DNMBP: variants seen among roughly 807,000 people sequenced by gnomAD.
DNMBP encodes dynamin-binding protein.
Under a neutral mutation model 150.0 loss-of-function variants are expected in DNMBP, and 87 were observed. The observed-to-expected ratio is 0.58, with a 90% CI of 0.49 to 0.69. The LOEUF is 0.69. Among genes scored for constraint, DNMBP ranks in the 30% least tolerant of loss-of-function variants. DNMBP has a pLI of 0.00. For synonymous variants in DNMBP, 711 were observed against 750.4 expected (o/e 0.95, Z 0.86); for missense variants, 1,774 against 1,949.0 (o/e 0.91, Z 1.69).
intron 4 of DNMBP, chr10:99,914,071 C>T (rs1267564540): frequency 4.9e-6 from 7 of 1,431,556 alleles, no homozygotes; most frequent in African/African-American, 2.9e-5. Flanking sequence ...TGAATAGGGT[C>T]GGCATTTCCC....
intron 1 of DNMBP, among the ~76,000 whole-genome samples, chr10:99,976,102 A>C (rs1181939773): frequency 4.6e-5 from 7 of 152,226 alleles, no homozygotes; most frequent in African/African-American, 1.7e-4. Context: ...GTGTGAAAGC[A>C]CCTAGGTCAG....
chr10:99,965,274 G>A (rs747574439), intron 3 of DNMBP, among the ~76,000 whole-genome samples: 25 of 152,040 alleles, frequency 1.6e-4, no homozygotes, highest in Admixed American at 7.9e-4. Context: ...CTAGTCCAAG[G>A]TCACAGCTAT....
rs1209205696 is a variant in DNMBP, at chr10:99,909,134, A to C, written c.2273T>G (p.Leu758Arg). 3 of 1,613,136 alleles carry C rather than the reference A, an allele frequency of 1.9e-6. No homozygotes were observed. The Admixed American group carries it at 5.0e-5, about 27-fold the overall frequency. The stretch of plus-strand genomic sequence containing the variant: ...CACCAGTGATGAAGACTGGGAGGAG[A>C]GGAGCGTCATTTCTAGAAGGGAAAA... ...ELQQLREMTL[L>R]SSQSSSLVAP... is the part of the protein sequence containing the mutation. Residue 758 changes from leucine to arginine, a missense_variant, in exon 5 of 17, where the codon CTC (leucine) becomes CGC (arginine). Physicochemically the swap from Leu to Arg is moderately radical, Grantham distance 102. Transcript: ENST00000324109.
intron 4 of DNMBP, among the ~76,000 whole-genome samples, chr10:99,933,145 A>C (rs2040180005): frequency 6.6e-6 from 1 of 151,704 alleles, no homozygotes; most frequent in Non-Finnish European, 1.5e-5. Flanking sequence ...ACAAAAAAAA[A>C]ATTAGCTGGG....
intron 4 of DNMBP, among the ~76,000 whole-genome samples, 164 bp downstream of exon 4, chr10:99,955,050 C>CA (rs11445505): frequency 0.37 from 49,432 of 135,090 alleles, 8,386 homozygotes; most frequent in African/African-American, 0.41. Context: ...GAGACTGTCT[C>CA]AAAAAAAAGG....
Position 99,886,473 on chromosome 10 carries a change from C to T in DNMBP, c.3445G>A (p.Glu1149Lys), listed in dbSNP as rs2039466863. The T allele has an allele frequency of 6.2e-7, 1 of 1,614,044 alleles. No homozygotes were observed. Among genetic ancestry groups the T allele is most frequent in the African/African-American group, 1.3e-5 (1 of 74,914 alleles). The change falls in exon 13 of 17, where the codon GAG becomes AAG. Residue 1149 changes from glutamate to lysine, a missense_variant. By Grantham distance (56) the Glu-to-Lys change is moderately conservative. Around this residue, in one of 2 missense-constraint regions of DNMBP, gnomAD observed 1,430 missense variants for 1,492.5 expected, o/e 0.96. Coordinates refer to ENST00000324109, the MANE Select transcript of DNMBP (RefSeq NM_015221.4). ...TAGTTGTTCCGGGCCGACTGCAGCTCCTCCAGGGTCTTCTTGTCCTTTAGC... is the reference window on the plus strand; with the variant it reads ...TAGTTGTTCCGGGCCGACTGCAGCTTCTCCAGGGTCTTCTTGTCCTTTAGC... Reference protein sequence around the residue: ...EKLKDKKTLEELQSARNNYEA... With the variant: ...EKLKDKKTLEKLQSARNNYEA...
chr10:99,980,260 C>T (rs1173632846), intron 1 of DNMBP, among the ~76,000 whole-genome samples: 4 of 152,040 alleles, frequency 2.6e-5, no homozygotes, highest in East Asian at 1.9e-4. Flanking sequence ...GCCTGGCCAA[C>T]GTGGCGAAAC....
chr10:100,002,507 A>G (rs1405307647), intron 1 of DNMBP, among the ~76,000 whole-genome samples: 1 of 152,158 alleles, frequency 6.6e-6, no homozygotes, highest in African/African-American at 2.4e-5. Context: ...GGAAACTATA[A>G]TTTTACATAT....
At chr10:99,951,348 CAG>C (rs770397723) in intron 4 of DNMBP, among the ~76,000 whole-genome samples, 1 of 152,222 alleles carries the variant, frequency 6.6e-6, no homozygotes, top group Non-Finnish European at 1.5e-5. Flanking sequence ...AGCCTCTACA[CAG>C]AGTCCCTACT....
chr10:99,977,401 T>C (rs773810200), intron 1 of DNMBP, among the ~76,000 whole-genome samples: 1 of 152,122 alleles, frequency 6.6e-6, no homozygotes, highest in Non-Finnish European at 1.5e-5. Context: ...CAACTCCAGA[T>C]AGAAGTAAAA....
rs1309177793 is a variant in DNMBP at position 99,955,728 on chromosome 10, A to T, written c.1746T>A (p.Phe582Leu). Residue 582 changes from phenylalanine (F) to leucine (L), a missense_variant, in exon 4 of 17, where the codon TTT becomes TTA. Around this residue, in one of 2 missense-constraint regions of DNMBP, gnomAD observed 1,430 missense variants for 1,492.5 expected, o/e 0.96. Coordinates refer to ENST00000324109, the MANE Select transcript of DNMBP (RefSeq NM_015221.4). ...CTCGGACAATATCCTTCTCAGAGTT[A>T]AAGTCCATGATTGAAAAGTGGCGTA... The part of the protein sequence containing the change: ...KILRHFSIMD[F>L]NSEKDIVRGS... 1 of 1,614,242 alleles carries T rather than the reference A, an allele frequency of 6.2e-7. No homozygotes were observed. The highest frequency in any genetic ancestry group is 1.1e-5 in the South Asian group (1 of 91,090).
At chr10:100,007,626 T>C (rs1331293070) in intron 1 of DNMBP, among the ~76,000 whole-genome samples, 1 of 152,034 alleles carries the variant, frequency 6.6e-6, no homozygotes, top group Non-Finnish European at 1.5e-5. Flanking sequence ...GATCTAGAAA[T>C]CTAAAAATGA....
intron 1 of DNMBP, among the ~76,000 whole-genome samples, chr10:100,000,249 G>C (rs1050448952): frequency 1.3e-5 from 2 of 152,166 alleles, no homozygotes; most frequent in African/African-American, 4.8e-5. Flanking sequence ...TAGAAAGCAG[G>C]AGGACCTGGG....
At chr10:99,962,369 C>T (rs113646136) in intron 3 of DNMBP, among the ~76,000 whole-genome samples, 9,357 of 152,286 alleles carry the variant, frequency 0.061, 391 homozygotes, top group African/African-American at 0.11. Context: ...CAGTGGCTCA[C>T]GCCTGTAATC....
chr10:99,979,396 G>A (rs150297787), intron 1 of DNMBP, among the ~76,000 whole-genome samples: 75 of 152,322 alleles, frequency 4.9e-4, no homozygotes, highest in African/African-American at 1.8e-3. Flanking sequence ...CAAATCTGCA[G>A]TGACTTTTTT....
chr10:99,962,801 T>C (rs2040579105), intron 3 of DNMBP, among the ~76,000 whole-genome samples: 1 of 152,220 alleles, frequency 6.6e-6, no homozygotes, highest in African/African-American at 2.4e-5. Flanking sequence ...TCTGCTGGCT[T>C]TGAAATCAAC....
chr10:99,957,255 A>T (rs2040511488), intron 3 of DNMBP, 50 bp from the exon 4 acceptor site: 4 of 1,514,942 alleles, frequency 2.6e-6, no homozygotes, highest in Non-Finnish European at 3.6e-6. Context: ...ACCCAGCAGA[A>T]CATTATCACG....
At chr10:99,963,829 C>G (rs1341230511) in intron 3 of DNMBP, among the ~76,000 whole-genome samples, 1 of 151,292 alleles carries the variant, frequency 6.6e-6, no homozygotes, top group African/African-American at 2.4e-5. Flanking sequence ...GCCAGGGGAA[C>G]TATGTGCTTT....
intron 16 of DNMBP, among the ~76,000 whole-genome samples, chr10:99,877,870 C>T (rs373343276): frequency 2.5e-4 from 38 of 151,956 alleles, no homozygotes; most frequent in African/African-American, 8.7e-4. Context: ...TGTCTTGGAA[C>T]AAACACCAAT....
Sources: allele counts gnomAD v4.1 joint callset (sites outside exome capture counted in the v4.1 genomes callset), GRCh38; gene constraint gnomAD v4.1.1; regional missense constraint gnomAD v4.1.1; transcripts MANE v1.5; gene names NCBI Gene and HGNC (gene_info 2026-07-23, HGNC 2026-07-21).